The following PPP2R2B variants were observed in gnomAD, a reference collection of about 807,000 sequenced individuals.
PPP2R2B encodes the protein protein phosphatase 2 regulatory subunit Bbeta.
Under a neutral mutation model 46.0 loss-of-function variants are expected in PPP2R2B, and 5 were observed. That is an observed-to-expected ratio of 0.11 (90% CI 0.06 to 0.23). PPP2R2B has a LOEUF of 0.23. Ranked by LOEUF, PPP2R2B falls within the 10% of genes least tolerant of loss-of-function variation. The pLI, the probability that PPP2R2B is intolerant of heterozygous loss-of-function variation, is 1.00. For synonymous variants in PPP2R2B, 215 were observed against 206.7 expected, an observed-to-expected ratio of 1.04 and a Z score of -0.34; for missense variants, 367 against 575.0, an observed-to-expected ratio of 0.64 and a Z score of 3.70.
At chr5:146,817,448 A>G (rs1050336984) in intron 2 of PPP2R2B, among the ~76,000 whole-genome samples, 19 of 152,208 alleles carry the variant, frequency 1.2e-4, no homozygotes, top group Admixed American at 1.2e-3. Flanking sequence ...ATATATTTAT[A>G]GTGTACAGTG....
chr5:146,730,381 T>C (rs548628263), intron 2 of PPP2R2B, among the ~76,000 whole-genome samples: 23 of 152,246 alleles, frequency 1.5e-4, no homozygotes, highest in African/African-American at 5.1e-4. Context: ...CTGTGGACTT[T>C]TGGGTTAATG....
chr5:146,682,690 A>C (rs1778256702), intron 5 of PPP2R2B, among the ~76,000 whole-genome samples: 1 of 152,232 alleles, frequency 6.6e-6, no homozygotes, highest in Non-Finnish European at 1.5e-5. Flanking sequence ...AAATGTCTGC[A>C]ATAGTGTTAC....
At chr5:147,014,747 G>C (rs922643003) in intron 1 of PPP2R2B, among the ~76,000 whole-genome samples, 1 of 149,414 alleles carries the variant, frequency 6.7e-6, no homozygotes, top group Non-Finnish European at 1.5e-5. Context: ...GGTAGGGGGA[G>C]GGGGGAGGGA....
At position 146,921,663 on chromosome 5, in the gene PPP2R2B, A is replaced by C. The variant is rs150164473; in HGVS notation, c.79+134002T>G. The stretch of plus-strand genomic sequence containing the variant: ...CTTCTCAGCTCTCAAAATGGAGAAG[A>C]AATTTCATCTTCCTGTGAACTTCTA... On this transcript the variant is annotated intron_variant, in intron 1 of 8. Transcript: ENST00000336640. Among the ~76,000 whole-genome samples the C allele has an allele frequency of 6.5e-3, 983 of 152,290 alleles. 11 individuals carry two copies. Among genetic ancestry groups the C allele is most frequent in the African/African-American group, 0.023 (938 of 41,572 alleles).
intron 1 of PPP2R2B, among the ~76,000 whole-genome samples, chr5:146,976,796 G>A (rs1752928593): frequency 6.6e-6 from 1 of 151,874 alleles, no homozygotes; most frequent in South Asian, 2.1e-4. Flanking sequence ...AATTTTCTTG[G>A]TGACTTTTGC....
chr5:146,916,841 T>C (rs1763404889), intron 1 of PPP2R2B, among the ~76,000 whole-genome samples: 1 of 152,206 alleles, frequency 6.6e-6, no homozygotes, highest in Non-Finnish European at 1.5e-5. Context: ...TGAACCAGTT[T>C]GCATATCATG....
intron 1 of PPP2R2B, among the ~76,000 whole-genome samples, chr5:146,987,390 G>T (rs1018519545): frequency 6.6e-6 from 1 of 151,904 alleles, no homozygotes; most frequent in Non-Finnish European, 1.5e-5. Flanking sequence ...AGTACCAAAA[G>T]ATAAAACTAC....
intron 2 of PPP2R2B, among the ~76,000 whole-genome samples, chr5:146,854,103 T>C (rs186406122): frequency 2.7e-3 from 407 of 152,210 alleles, no homozygotes; most frequent in Non-Finnish European, 5.2e-3. Context: ...ACATAGTAAG[T>C]GCACAATAAA....
chr5:147,081,045 G>C, intron 2 of PPP2R2B: 1 of 1,532,602 alleles, frequency 6.5e-7, no homozygotes, highest in Non-Finnish European at 8.7e-7. Flanking sequence ...AAAGGGCATG[G>C]GGATTTCTCC....
In PPP2R2B at chr5:146,689,964, C is replaced by T. The variant is rs372394689; in HGVS notation, c.447+1164G>A. 4.6e-5 allele frequency among the ~76,000 whole-genome samples: 7 copies of T among 152,308 alleles called. No homozygotes were observed. In the East Asian group the frequency reaches 9.6e-4, roughly 21 times the overall value. On this transcript the variant is annotated intron_variant, in intron 5 of 9. Transcript: ENST00000394411. ...TGGTGGTCAGCACAGAGTCTATATT[C>T]AAAAAGTAACTGCTGAATAAGCAGA...
chr5:146,754,623 C>T (rs1753737552), intron 2 of PPP2R2B, among the ~76,000 whole-genome samples: 1 of 152,154 alleles, frequency 6.6e-6, no homozygotes, highest in South Asian at 2.1e-4. Context: ...GACAAGGTGC[C>T]ACTTCCAAGA....
chr5:146,748,316 TAGAG>T (rs562692894), intron 2 of PPP2R2B, among the ~76,000 whole-genome samples: 3 of 152,064 alleles, frequency 2.0e-5, no homozygotes, highest in Non-Finnish European at 4.4e-5. Flanking sequence ...TAAGAAATAA[TAGAG>T]AGTTACTATG....
At chr5:146,716,393 A>T (rs1780500271) in intron 2 of PPP2R2B, among the ~76,000 whole-genome samples, 1 of 148,998 alleles carries the variant, frequency 6.7e-6, no homozygotes, top group African/African-American at 2.6e-5. Context: ...ATTTTACTCA[A>T]TTTTGACTCT....
intron 1 of PPP2R2B, among the ~76,000 whole-genome samples, chr5:146,894,428 C>T (rs1762582653): frequency 6.6e-6 from 1 of 152,044 alleles, no homozygotes; most frequent in Non-Finnish European, 1.5e-5. Context: ...CATTCTTTTG[C>T]CTCTGGACTT....
At chr5:146,912,820 G>A (rs1299155736) in intron 1 of PPP2R2B, among the ~76,000 whole-genome samples, 1 of 151,888 alleles carries the variant, frequency 6.6e-6, no homozygotes, top group Non-Finnish European at 1.5e-5. Flanking sequence ...TTCAACTTTT[G>A]ATTCATTCAT....
Position 146,784,921 on chromosome 5 carries a change from T to C in PPP2R2B, c.71-83779A>G, listed in dbSNP as rs141706391. Among the ~76,000 whole-genome samples, 1,242 of 152,202 alleles carry C rather than the reference T, an allele frequency of 8.2e-3. 9 individuals are homozygous for C. The highest frequency in any genetic ancestry group is 0.017 in the Middle Eastern group (5 of 294). Reference sequence around the variant, plus strand: ...GATACCAATTTACAAAGGAATAAAATAGATGGAGTATCAACTTTTGGAATA... The same window carrying C: ...GATACCAATTTACAAAGGAATAAAACAGATGGAGTATCAACTTTTGGAATA... On this transcript the variant is annotated intron_variant, in intron 2 of 9. Coordinates refer to ENST00000394411, the MANE Select transcript of PPP2R2B (RefSeq NM_181675.4).
At chr5:146,617,575 T>C (rs1056337019) in intron 7 of PPP2R2B, among the ~76,000 whole-genome samples, 1 of 152,194 alleles carries the variant, frequency 6.6e-6, no homozygotes, top group African/African-American at 2.4e-5. Context: ...TGTAAAGCAC[T>C]ATGATAGGTG....
At chr5:146,687,302 C>T (rs952033960) in intron 5 of PPP2R2B, among the ~76,000 whole-genome samples, 1 of 152,104 alleles carries the variant, frequency 6.6e-6, no homozygotes, top group Non-Finnish European at 1.5e-5. Flanking sequence ...GAGGCTGCAT[C>T]GGATCGAAGG....
At chr5:146,598,661 A>G (rs3096089) in intron 8 of PPP2R2B, among the ~76,000 whole-genome samples, 105,085 of 152,060 alleles carry the variant, frequency 0.69, 36,440 homozygotes, top group South Asian at 0.74. Context: ...GTAATCCTTG[A>G]TGCTTCTTTC....
Sources: allele counts gnomAD v4.1 joint callset (sites outside exome capture counted in the v4.1 genomes callset), GRCh38; gene constraint gnomAD v4.1.1; transcripts MANE v1.5; gene names NCBI Gene and HGNC (gene_info 2026-07-23, HGNC 2026-07-21).